AKAP12: variants seen among roughly 807,000 people sequenced by gnomAD.
The protein encoded by AKAP12 is A-kinase anchor protein 12.
AKAP12 carries 32 observed loss-of-function variants against 79.9 expected under a neutral mutation model. That is an observed-to-expected ratio of 0.40 (90% CI 0.30 to 0.54). AKAP12 has a LOEUF of 0.54. Ranked by LOEUF, AKAP12 falls within the 20% of genes least tolerant of loss-of-function variation. The pLI, the probability that AKAP12 is intolerant of heterozygous loss-of-function variation, is 0.48. For synonymous variants in AKAP12, 808 were observed against 857.0 expected (o/e 0.94, Z 1.00); for missense variants, 2,074 against 2,177.0 (o/e 0.95, Z 0.94).
intron 2 of AKAP12, among the ~76,000 whole-genome samples, chr6:151,267,967 C>T (rs886678509): frequency 6.6e-6 from 1 of 152,196 alleles, no homozygotes; most frequent in Admixed American, 6.5e-5. Context: ...TCCTTGTGCC[C>T]TCTTCAGTTG....
chr6:151,326,838 G>A (rs1469999312), intron 3 of AKAP12, among the ~76,000 whole-genome samples: 1 of 151,460 alleles, frequency 6.6e-6, no homozygotes, highest in Non-Finnish European at 1.5e-5. Context: ...TGTTTTTTGA[G>A]ATGGAGTCTT....
chr6:151,333,454 A>C (rs1435580277), intron 3 of AKAP12, among the ~76,000 whole-genome samples: 1 of 152,180 alleles, frequency 6.6e-6, no homozygotes, highest in African/African-American at 2.4e-5. Context: ...GGGAGCATGT[A>C]AAAATACTTT....
intron 3 of AKAP12, among the ~76,000 whole-genome samples, chr6:151,334,291 C>T (rs1777754571): frequency 6.6e-6 from 1 of 152,106 alleles, no homozygotes; most frequent in Non-Finnish European, 1.5e-5. Flanking sequence ...TTCAGCTTCA[C>T]AAGATTTGAA....
chr6:151,279,777 T>C (rs1776360557), intron 2 of AKAP12, among the ~76,000 whole-genome samples: 1 of 151,892 alleles, frequency 6.6e-6, no homozygotes, highest in East Asian at 1.9e-4. Context: ...GCCCAGGAGG[T>C]TGAGTCTGCA....
intron 2 of AKAP12, among the ~76,000 whole-genome samples, chr6:151,241,328 G>T (rs879643075): frequency 6.6e-6 from 1 of 152,246 alleles, no homozygotes; most frequent in Admixed American, 6.5e-5. Flanking sequence ...AGCTCGCTCA[G>T]AGCCAGGAAA....
intron 2 of AKAP12, among the ~76,000 whole-genome samples, chr6:151,269,191 T>C (rs924867222): frequency 6.6e-6 from 1 of 151,952 alleles, no homozygotes; most frequent in Admixed American, 6.6e-5. Flanking sequence ...TTGAGGCAGG[T>C]CTTTTTGAAG....
In AKAP12 at chr6:151,352,679, G is replaced by A. The variant is rs1778329202; in HGVS notation, c.4288G>A (p.Val1430Ile). Residue 1430 changes from valine (V) to isoleucine (I), a missense_variant, in exon 4 of 5, where the codon GTC becomes ATC. By Grantham distance (29) the Val-to-Ile change is conservative. Around this residue, in one of 3 missense-constraint regions of AKAP12, gnomAD observed 614 missense variants for 665.6 expected, o/e 0.92. Coordinates refer to ENST00000402676, the MANE Select transcript of AKAP12 (RefSeq NM_005100.4). ...AACAGCGGCTGCAGAGGAGGAAAAG[G>A]TCTTAGGAGAAACTGCCAACATTTT... is the stretch of plus-strand genomic sequence containing the variant. ...TLTAAAEEEK[V>I]LGETANILET... is the part of the protein sequence containing the mutation. 1 of 1,614,216 alleles carries A rather than the reference G, an allele frequency of 6.2e-7. No individual in the cohort carries two copies. The highest frequency in any genetic ancestry group is 8.5e-7 in the Non-Finnish European group (1 of 1,180,034).
intron 2 of AKAP12, among the ~76,000 whole-genome samples, chr6:151,245,858 T>A (rs1009854549): frequency 9.2e-5 from 14 of 152,154 alleles, no homozygotes; most frequent in African/African-American, 3.4e-4. Context: ...ACATATTCTT[T>A]CGAAAACTTC....
intron 2 of AKAP12, among the ~76,000 whole-genome samples, chr6:151,303,618 G>T (rs532776104): frequency 6.6e-6 from 1 of 152,332 alleles, no homozygotes; most frequent in East Asian, 1.9e-4. Context: ...TCATTCATTG[G>T]CCTGGAAGCA....
intron 2 of AKAP12, among the ~76,000 whole-genome samples, chr6:151,259,511 TACACACACACACAC>T (rs373506742): frequency 1.7e-3 from 168 of 101,118 alleles, no homozygotes; most frequent in Non-Finnish European, 2.7e-3. Context: ...TATATATATA[TACACACACACACAC>T]ACACACACAC....
At position 151,320,228 on chromosome 6, in the gene AKAP12, T is replaced by C. The variant is rs913114484; in HGVS notation, c.319+14325T>C. ...CAGCCATCTGTCCACTGGTCCCGCCTCCAGACTGCCCACTCCGAGGCCTCT... is the reference window on the plus strand; with the variant it reads ...CAGCCATCTGTCCACTGGTCCCGCCCCCAGACTGCCCACTCCGAGGCCTCT... On this transcript the variant is annotated intron_variant, in intron 3 of 4. Transcript: ENST00000402676. 2.6e-5 allele frequency among the ~76,000 whole-genome samples: 4 copies of C among 152,092 alleles called. No individual in the cohort carries two copies. In the South Asian group the frequency reaches 6.2e-4, roughly 24 times the overall value.
chr6:151,255,978 A>G (rs1354437836), intron 2 of AKAP12, among the ~76,000 whole-genome samples: 1 of 151,888 alleles, frequency 6.6e-6, no homozygotes, highest in Non-Finnish European at 1.5e-5. Flanking sequence ...GTGGACTTAA[A>G]CATGCTCATG....
chr6:151,261,193 G>T (rs1797422672), intron 2 of AKAP12, among the ~76,000 whole-genome samples: 1 of 151,676 alleles, frequency 6.6e-6, no homozygotes, highest in African/African-American at 2.4e-5. Context: ...TTCGAGGCCA[G>T]CCTGGTTAAC....
chr6:151,252,025 G>GA (rs1259972608), intron 2 of AKAP12, among the ~76,000 whole-genome samples: 1 of 151,958 alleles, frequency 6.6e-6, no homozygotes, highest in Non-Finnish European at 1.5e-5. Context: ...TAAATAAATA[G>GA]AAGTAAAGCA....
At chr6:151,301,627 GA>G (rs1438724649) in intron 2 of AKAP12, among the ~76,000 whole-genome samples, 1 of 152,202 alleles carries the variant, frequency 6.6e-6, no homozygotes, top group African/African-American at 2.4e-5. Context: ...GGACATGTCT[GA>G]ATGTGACAAT....
At chr6:151,303,731 T>C (rs1052696080) in intron 2 of AKAP12, among the ~76,000 whole-genome samples, 2 of 152,216 alleles carry the variant, frequency 1.3e-5, no homozygotes, top group African/African-American at 4.8e-5. Context: ...GAATACCCTT[T>C]AAGTCATTTT....
chr6:151,258,984 C>G (rs1797356266), intron 2 of AKAP12, among the ~76,000 whole-genome samples: 1 of 150,630 alleles, frequency 6.6e-6, no homozygotes, highest in Admixed American at 6.7e-5. Flanking sequence ...TATATATACA[C>G]ATAATGTATC....
chr6:151,323,770 G>A (rs1777458172), intron 3 of AKAP12: 4 of 985,260 alleles, frequency 4.1e-6, no homozygotes, highest in East Asian at 1.1e-4. Flanking sequence ...AATTTGGACT[G>A]ATAGAAAGGA....
chr6:151,345,876 G>C (rs1241343616), intron 3 of AKAP12, among the ~76,000 whole-genome samples: 1 of 148,922 alleles, frequency 6.7e-6, no homozygotes, highest in African/African-American at 2.5e-5. Context: ...GAGATCATAT[G>C]TGAAGGATGT....
Sources: allele counts gnomAD v4.1 joint callset (sites outside exome capture counted in the v4.1 genomes callset), GRCh38; gene constraint gnomAD v4.1.1; regional missense constraint gnomAD v4.1.1; transcripts MANE v1.5; gene names NCBI Gene and HGNC (gene_info 2026-07-23, HGNC 2026-07-21).